Variants in LIPA observed in about 807,000 individuals in gnomAD.
LIPA encodes the protein lysosomal acid lipase/cholesteryl ester hydrolase.
In LIPA, 26 loss-of-function variants were observed where a neutral mutation model predicts 40.6. The ratio of observed to expected loss-of-function variants is 0.64; its 90% CI spans 0.47 to 0.89. The LOEUF is 0.89. Among genes scored for constraint, LIPA ranks in the 40% least tolerant of loss-of-function variants. The probability of loss-of-function intolerance (pLI) is 0.00; values close to 1 mark genes in which losing one functional copy is unlikely to be tolerated. For missense variants in LIPA, 455 were observed against 479.6 expected (o/e 0.95, Z 0.48); for synonymous variants, 188 against 168.4 (o/e 1.12, Z -0.90).
upstream of LIPA, among the ~76,000 whole-genome samples, chr10:89,343,641 G>A (rs1355085625): frequency 1.3e-5 from 2 of 152,222 alleles, no homozygotes; most frequent in Non-Finnish European, 2.9e-5. Context: ...TGGGCATCAT[G>A]TTCTGAGAGC....
At chr10:89,395,613 G>A (rs1844331261) in intron 2 of LIPA, among the ~76,000 whole-genome samples, 1 of 152,082 alleles carries the variant, frequency 6.6e-6, no homozygotes, top group African/African-American at 2.4e-5. Context: ...AACCACAAGG[G>A]CATCTGCCTG....
chr10:89,240,025 C>T (rs17117789), intron 3 of LIPA, among the ~76,000 whole-genome samples: 1 of 152,106 alleles, frequency 6.6e-6, no homozygotes, highest in Non-Finnish European at 1.5e-5. Flanking sequence ...GGGAAATTAT[C>T]CAGCTCTCAT....
intron 8 of LIPA, among the ~76,000 whole-genome samples, chr10:89,218,242 C>T (rs1279000710): frequency 2.6e-5 from 4 of 152,326 alleles, no homozygotes; most frequent in Admixed American, 2.6e-4. Context: ...TGCCTACCCT[C>T]TCCCTTACTA....
intron 3 of LIPA, among the ~76,000 whole-genome samples, chr10:89,239,346 T>C (rs1466393587): frequency 6.6e-6 from 1 of 152,234 alleles, no homozygotes; most frequent in African/African-American, 2.4e-5. Flanking sequence ...GCAAGTTAAT[T>C]AACCCTATAA....
intron 1 of LIPA, among the ~76,000 whole-genome samples, chr10:89,286,695 C>A (rs1024488595): frequency 6.6e-6 from 1 of 152,154 alleles, no homozygotes; most frequent in Non-Finnish European, 1.5e-5. Flanking sequence ...TCTCAATATA[C>A]GTTTTATTAC....
intron 3 of LIPA, among the ~76,000 whole-genome samples, chr10:89,235,339 G>A (rs1212880024): frequency 6.6e-6 from 1 of 152,196 alleles, no homozygotes; most frequent in Non-Finnish European, 1.5e-5. Flanking sequence ...CTGTGCAAAT[G>A]CAACTTGAAG....
intron 1 of LIPA, among the ~76,000 whole-genome samples, chr10:89,270,703 G>C (rs1321326612): frequency 6.6e-6 from 1 of 152,160 alleles, no homozygotes; most frequent in Non-Finnish European, 1.5e-5. Flanking sequence ...ACAAGAGAAT[G>C]CAACAGCTCT....
chr10:89,227,007 G>A lies in LIPA; in HGVS notation c.429-3C>T, dbSNP rs372722864. The A allele has an allele frequency of 3.9e-6, 6 of 1,542,680 alleles. No homozygotes were observed. The highest frequency in any genetic ancestry group is 5.4e-6 in the Non-Finnish European group (6 of 1,114,888). On this transcript the variant is annotated splice_region_variant and splice_polypyrimidine_tract_variant and intron_variant, in intron 4 of 9. Transcript: ENST00000336233. ...CATATTTTGCCATCTCATCATAACT[G>A]TAATCCAAGAAAGGAACTCTTTCAT...
At chr10:89,393,949 C>A (rs556794526) in intron 2 of LIPA, among the ~76,000 whole-genome samples, 4 of 152,052 alleles carry the variant, frequency 2.6e-5, no homozygotes, top group Admixed American at 6.6e-5. Flanking sequence ...TTCTTGAATT[C>A]GTATTAAGTG....
intron 2 of LIPA, among the ~76,000 whole-genome samples, chr10:89,396,138 T>C (rs896498768): frequency 1.3e-5 from 2 of 152,194 alleles, no homozygotes; most frequent in African/African-American, 4.8e-5. Flanking sequence ...GAATGTGTCA[T>C]ATGGTAATAT....
chr10:89,320,581 A>C (rs1425018612), intron 1 of LIPA, among the ~76,000 whole-genome samples: 1 of 152,244 alleles, frequency 6.6e-6, no homozygotes, highest in Non-Finnish European at 1.5e-5. Context: ...ACACAAACAA[A>C]TGGAAGAACA....
chr10:89,244,094 C>T lies in LIPA; in HGVS notation c.229+1582G>A, dbSNP rs561906575. ...AAAGCTCTCACTATAACTCATCACTCATTTTATAACATATTTATAAAAAGG... is the reference window on the plus strand; with the variant it reads ...AAAGCTCTCACTATAACTCATCACTTATTTTATAACATATTTATAAAAAGG... On this transcript the variant is annotated intron_variant, in intron 3 of 9. Transcript: ENST00000336233. 2.0e-5 allele frequency among the ~76,000 whole-genome samples: 3 copies of T among 152,102 alleles called. No individual in the cohort carries two copies. The East Asian group carries it at 5.8e-4, about 29-fold the overall frequency.
intron 2 of LIPA, among the ~76,000 whole-genome samples, chr10:89,360,826 C>T (rs550549233): frequency 1.0e-3 from 155 of 152,306 alleles, no homozygotes; most frequent in African/African-American, 3.6e-3. Flanking sequence ...TGGCTTAAAA[C>T]CACAGAAATT....
At chr10:89,224,945 G>A in intron 6 of LIPA, 147 bp downstream of exon 6, 3 of 1,042,714 alleles carry the variant, frequency 2.9e-6, no homozygotes, top group South Asian at 2.6e-5. Context: ...TCTGGAAGGA[G>A]GGGTAAACGG....
intron 1 of LIPA, among the ~76,000 whole-genome samples, chr10:89,256,954 T>C (rs528043877): frequency 4.6e-5 from 7 of 152,282 alleles, no homozygotes; most frequent in African/African-American, 1.7e-4. Context: ...CATAAGAAAA[T>C]GATATTTATT....
At chr10:89,383,922 G>A in intron 2 of LIPA, 4 of 1,614,168 alleles carry the variant, frequency 2.5e-6, no homozygotes, top group Non-Finnish European at 2.5e-6. Context: ...CATTTTCTCT[G>A]CACGTCCTAA....
rs976123299 is a variant in LIPA, at chr10:89,269,684, C to T, written c.-1-22035G>A. Among the ~76,000 whole-genome samples, 7 of 152,286 alleles carry T rather than the reference C, an allele frequency of 4.6e-5. 1 individual carries two copies. The highest frequency in any genetic ancestry group is 6.8e-3 in the Middle Eastern group (2 of 294). On this transcript the variant is annotated intron_variant, in intron 1 of 5. Transcript: ENST00000282673. The stretch of plus-strand genomic sequence containing the variant: ...TTAAAGCGATGCGTTGGCAATACAG[C>T]AATGCAATTGTAGCTTCAAAAATAT...
intron 1 of LIPA, among the ~76,000 whole-genome samples, chr10:89,312,644 TA>T (rs1456285686): frequency 2.7e-5 from 4 of 150,650 alleles, no homozygotes; most frequent in African/African-American, 9.8e-5. Context: ...CCATCTCTAC[TA>T]AAAAATACAA....
intron 2 of LIPA, chr10:89,383,243 A>AT: frequency 7.7e-7 from 1 of 1,296,614 alleles, no homozygotes. Context: ...ATATTTGACT[A>AT]TTTGAAGTGC....
Sources: gnomAD v4.1 joint callset for allele counts (sites outside exome capture counted in the v4.1 genomes callset) on GRCh38, gnomAD v4.1.1 for gene constraint, MANE v1.5 for transcripts, NCBI Gene and HGNC (gene_info 2026-07-23, HGNC 2026-07-21) for gene names.